IGSF9B: variants seen among roughly 807,000 people sequenced by gnomAD.
IGSF9B encodes the protein immunoglobulin superfamily member 9B, also known as protein turtle homolog B.
A neutral mutation model predicts 143.7 loss-of-function variants in IGSF9B; 48 were observed. The ratio of observed to expected loss-of-function variants is 0.33; its 90% CI spans 0.26 to 0.42. IGSF9B has a LOEUF of 0.42. Ranked by LOEUF, IGSF9B falls within the 20% of genes least tolerant of loss-of-function variation. The pLI is 1.00. For missense variants in IGSF9B, 1,706 were observed against 1,980.0 expected, an observed-to-expected ratio of 0.86 and a Z score of 2.63; for synonymous variants, 903 against 833.1, an observed-to-expected ratio of 1.08 and a Z score of -1.44.
At chr11:133,955,923 G>A (rs1591730234) in intron 1 of IGSF9B, among the ~76,000 whole-genome samples, 1 of 150,014 alleles carries the variant, frequency 6.7e-6, no homozygotes, top group South Asian at 2.3e-4. Flanking sequence ...GCCGCCCCCA[G>A]CCAGCTCTGC....
At chr11:133,937,531 T>G in intron 4 of IGSF9B, 38 bp from the exon 5 acceptor site, 3 of 1,504,310 alleles carry the variant, frequency 2.0e-6, no homozygotes, top group Non-Finnish European at 2.8e-6. Flanking sequence ...GCACCCACGC[T>G]CACACCCACC....
At chr11:133,914,534 A>G (rs1277674690) in intron 18 of IGSF9B, among the ~76,000 whole-genome samples, 4 of 152,178 alleles carry the variant, frequency 2.6e-5, no homozygotes, top group African/African-American at 9.7e-5. Flanking sequence ...AAAAATTCCC[A>G]GACAGTAATG....
At position 133,945,168 on chromosome 11, in the gene IGSF9B, G is replaced by A. The variant is rs962776475; in HGVS notation, c.263-802C>T. Among the ~76,000 whole-genome samples, 3 of 152,098 alleles carry A rather than the reference G, an allele frequency of 2.0e-5. No individual in the cohort carries two copies. The highest frequency in any genetic ancestry group is 7.2e-5 in the African/African-American group (3 of 41,422). On this transcript the variant is annotated intron_variant, in intron 2 of 19. Transcript: ENST00000533871. The surrounding 1 kb of genome is among the most constrained non-coding windows in gnomAD (Gnocchi z 4.6). ...GCAGGGTGGAGCAGCCCTCGAGGTC[G>A]GCCCACCTCACCCGCTCTTAGCTCA...
chr11:133,919,426 CG>C (rs1391873364), intron 18 of IGSF9B, among the ~76,000 whole-genome samples: 1 of 152,208 alleles, frequency 6.6e-6, no homozygotes, highest in Non-Finnish European at 1.5e-5. Flanking sequence ...CCAAGAGGGA[CG>C]GGGTCCACCC....
rs980779284 is a variant in IGSF9B at position 133,903,854 on chromosome 11, A to T, written c.*5215T>A. Among the ~76,000 whole-genome samples, 2 of 152,186 alleles carry T rather than the reference A, an allele frequency of 1.3e-5. No individual in the cohort carries two copies. Among genetic ancestry groups the T allele is most frequent in the African/African-American group, 4.8e-5 (2 of 41,448 alleles). ...GGTGGTGATTGGTACCCCTAGCCAA[A>T]CAGCAAGCTGGTAAGAGTGCGAAAG... is the stretch of plus-strand genomic sequence containing the variant. On this transcript the variant is annotated 3_prime_UTR_variant, in exon 20 of 20. Coordinates refer to ENST00000533871, the MANE Select transcript of IGSF9B (RefSeq NM_001277285.4).
intron 18 of IGSF9B, among the ~76,000 whole-genome samples, chr11:133,915,684 G>A (rs952806516): frequency 9.9e-5 from 15 of 152,216 alleles, no homozygotes; most frequent in Admixed American, 9.8e-4. Flanking sequence ...GCAAGCCTCA[G>A]GACAGGGAAA....
At chr11:133,936,648 C>T (rs780856510) in intron 5 of IGSF9B, among the ~76,000 whole-genome samples, 1 of 152,180 alleles carries the variant, frequency 6.6e-6, no homozygotes, top group Non-Finnish European at 1.5e-5. Context: ...GCAGCTGCGG[C>T]CAAGTCTCCC....
intron 19 of IGSF9B, among the ~76,000 whole-genome samples, chr11:133,910,222 C>A (rs545259801): frequency 1.3e-5 from 2 of 152,132 alleles, no homozygotes; most frequent in African/African-American, 2.4e-5. Flanking sequence ...CACGCCTGCA[C>A]GTGTGTGTTC....
chr11:133,932,149 G>A lies in IGSF9B; in HGVS notation c.1032C>T (p.Ile344=). 1 of 1,611,614 alleles carries A rather than the reference G, an allele frequency of 6.2e-7. No homozygotes were observed. The highest frequency in any genetic ancestry group is 8.5e-7 in the Non-Finnish European group (1 of 1,178,892). ...IYVPVGIHGY[I]RCPVDAEPPA... The stretch of plus-strand genomic sequence containing the variant: ...GTGGTTCTGCGTCCACAGGGCAGCG[G>A]ATGTAGCCATGGATCCCCACGGGCA... Residue 344 remains isoleucine, a synonymous_variant, in exon 8 of 20, where the codon ATC becomes ATT. Transcript: ENST00000533871.
Position 133,937,491 on chromosome 11 carries a change from C to G in IGSF9B, c.564G>C (p.Val188=), listed in dbSNP as rs371962055. ...ATGTCACTGTCAGGCTGCCGTCACT[C>G]ACCTGGGAGCCCAAAACAGAGGGAG... ...TLLGASGKYQ[V]SDGSLTVTSV... is the part of the protein sequence containing the mutation. The change falls in exon 5 of 20, where the codon GTG becomes GTC. Residue 188 remains valine, a splice_region_variant and synonymous_variant. Coordinates refer to ENST00000533871, the MANE Select transcript of IGSF9B (RefSeq NM_001277285.4). 5.6e-6 allele frequency: 9 copies of G among 1,612,796 alleles called. No individual in the cohort carries two copies. Among genetic ancestry groups the G allele is most frequent in the Non-Finnish European group, 7.6e-6 (9 of 1,179,122 alleles).
rs1939506856 is a variant in IGSF9B at position 133,920,519 on chromosome 11, C to T, written c.3206G>A (p.Ser1069Asn). The T allele has an allele frequency of 1.9e-6, 3 of 1,604,944 alleles. No individual in the cohort carries two copies. The highest frequency in any genetic ancestry group is 2.2e-5 in the East Asian group (1 of 44,780). ...HQLPPCDVPE[S>N]LQPKAGLPRG... Reference sequence around the variant, plus strand: ...GGGGAGGCCGGCCTTGGGCTGCAGACTCTCGGGCACATCACAGGGTGGCAG... The same window carrying T: ...GGGGAGGCCGGCCTTGGGCTGCAGATTCTCGGGCACATCACAGGGTGGCAG... The change falls in exon 18 of 20, where the codon AGT (serine) becomes AAT (asparagine). Residue 1069 changes from serine to asparagine, a missense_variant. Transcript: ENST00000533871.
chr11:133,897,301 A>T lies in IGSF9B; in HGVS notation c.*11768T>A, dbSNP rs1011657690. On this transcript the variant is annotated 3_prime_UTR_variant, in exon 20 of 20. Transcript: ENST00000533871. ...CTCCCTTCAAGCTCGTACTTAGTAC[A>T]TTCACCATGACACTGTGCACCTGTG... The T allele has an allele frequency of 1.3e-5, 2 of 152,254 alleles. No homozygotes were observed. The highest frequency in any genetic ancestry group is 4.8e-5 in the African/African-American group (2 of 41,446). The allele number at this position is 152,254 out of a possible 1,614,324, so 9.4% of individuals were successfully genotyped here.
intron 11 of IGSF9B, 34 bp downstream of exon 11, chr11:133,930,950 C>A (rs778736042): frequency 6.4e-7 from 1 of 1,574,218 alleles, no homozygotes; most frequent in East Asian, 2.3e-5. Flanking sequence ...CTGCTCTGTC[C>A]CCGCCGCCCG....
In IGSF9B at chr11:133,908,897, AAGACAGG is replaced by A. The variant is rs1167251454; in HGVS notation, c.*165_*171del. ...GAAGGTGTGCCCACCCTCCGTCCTG[AAGACAGG>A]CGGCCAGGATCTGGAGGGAGACACC... On this transcript the variant is annotated 3_prime_UTR_variant, in exon 20 of 20. Coordinates refer to ENST00000533871, the MANE Select transcript of IGSF9B (RefSeq NM_001277285.4). 1 of 617,644 alleles carries A rather than the reference AAGACAGG, an allele frequency of 1.6e-6. No individual in the cohort carries two copies. Among genetic ancestry groups the A allele is most frequent in the Non-Finnish European group, 2.8e-6 (1 of 353,764 alleles). 38.3% of individuals were successfully genotyped at this position (617,644 alleles called of 1,614,324 possible).
At chr11:133,932,996 G>T (rs112414251) in intron 7 of IGSF9B, among the ~76,000 whole-genome samples, 3 of 144,148 alleles carry the variant, frequency 2.1e-5, no homozygotes, top group South Asian at 2.2e-4. Context: ...AGAGCAGACA[G>T]ACAGACACAG....
chr11:133,944,456 C>T (rs1940008565), intron 2 of IGSF9B, 90 bp from the exon 3 acceptor site: 1 of 1,340,254 alleles, frequency 7.5e-7, no homozygotes, highest in Admixed American at 1.9e-5. Context: ...ACAGGGGACT[C>T]ATCATAATCT....
chr11:133,929,383 G>A (rs1403346482), intron 12 of IGSF9B, among the ~76,000 whole-genome samples: 1 of 152,224 alleles, frequency 6.6e-6, no homozygotes, highest in Non-Finnish European at 1.5e-5. Flanking sequence ...GAATCCAGAG[G>A]ATGAAGCAGG....
At chr11:133,926,866 C>A in intron 13 of IGSF9B, 50 bp downstream of exon 13, 1 of 1,491,282 alleles carries the variant, frequency 6.7e-7, no homozygotes, top group South Asian at 1.3e-5. Context: ...GGCCACCGCC[C>A]CCACCACCTC....
chr11:133,943,049 C>A (rs329644), intron 3 of IGSF9B, among the ~76,000 whole-genome samples: 8 of 151,944 alleles, frequency 5.3e-5, no homozygotes, highest in Non-Finnish European at 7.4e-5. Flanking sequence ...CCCAGCCCCC[C>A]CAGGCAGGGC....
Sources: gnomAD v4.1 joint callset for allele counts (sites outside exome capture counted in the v4.1 genomes callset) on GRCh38, gnomAD v4.1.1 for gene constraint, Gnocchi (gnomAD v3.1) non-coding constraint, MANE v1.5 for transcripts, NCBI Gene and HGNC (gene_info 2026-07-23, HGNC 2026-07-21) for gene names.